The following FRYL variants were observed in gnomAD, a reference collection of about 807,000 sequenced individuals.
The protein encoded by FRYL is FRY like transcription coactivator, also known as protein furry homolog-like.
In FRYL, 150 loss-of-function variants were observed where a neutral mutation model predicts 351.2. The observed-to-expected ratio is 0.43, with a 90% confidence interval of 0.37 to 0.49. The LOEUF is 0.49. Among genes scored for constraint, FRYL ranks in the 20% least tolerant of loss-of-function variants. FRYL has a pLI of 0.00. For missense variants in FRYL, 3,036 were observed against 3,619.3 expected (o/e 0.84, Z 4.13); for synonymous variants, 1,153 against 1,257.1 (o/e 0.92, Z 1.75).
At chr4:48,522,814 C>T (rs1725200180) in intron 54 of FRYL, 87 bp downstream of exon 54, 1 of 956,000 alleles carries the variant, frequency 1.0e-6, no homozygotes, top group African/African-American at 1.6e-5. Context: ...GTGCATTTCA[C>T]CCATGCACAA....
At chr4:48,541,427 G>C (rs947659610) in intron 45 of FRYL, among the ~76,000 whole-genome samples, 1 of 152,106 alleles carries the variant, frequency 6.6e-6, no homozygotes, top group African/African-American at 2.4e-5. Context: ...TGCTTTTTAT[G>C]TTTGCCAGCT....
chr4:48,653,023 A>G (rs1416230142), intron 3 of FRYL, among the ~76,000 whole-genome samples: 5 of 152,196 alleles, frequency 3.3e-5, no homozygotes, highest in Non-Finnish European at 5.9e-5. Flanking sequence ...TAAACAGACT[A>G]TGGTAAGTGT....
rs766346765 is a variant in FRYL at position 48,567,271 on chromosome 4, G to A, written c.3146C>T (p.Ala1049Val). 5 of 1,609,540 alleles carry A rather than the reference G, an allele frequency of 3.1e-6. No homozygotes were observed. Among genetic ancestry groups the A allele is most frequent in the South Asian group, 2.2e-5 (2 of 89,664 alleles). The change falls in exon 28 of 64, where the codon GCG becomes GTG. Residue 1049 changes from alanine to valine, a missense_variant. By Grantham distance (64) the Ala-to-Val change is moderately conservative (BLOSUM62 0). Coordinates refer to ENST00000358350, the MANE Select transcript of FRYL (RefSeq NM_015030.2). The surrounding 1 kb of genome is among the most constrained non-coding windows in gnomAD (Gnocchi z 4.2). ...DIRCHFSALVANIIQNVPVHQ... is the reference protein window; with the variant it reads ...DIRCHFSALVVNIIQNVPVHQ... ...ACCTGGAACATTCTGAATAATATTC[G>A]CCACTAAGGCACTAAAATGGCATCG... is the stretch of plus-strand genomic sequence containing the variant.
chr4:48,563,113 G>T, intron 31 of FRYL, 125 bp from the exon 32 acceptor site: 1 of 597,468 alleles, frequency 1.7e-6, no homozygotes. Context: ...GAGGAGACTT[G>T]GTTTTTTCAA....
rs193248626 is a variant in FRYL at position 48,562,705 on chromosome 4, T to C, written c.3696+184A>G. Reference sequence around the variant, plus strand: ...ACTTAGGAATAGTCTGCATTACTTATAAATTTAAATATCTATATTATCTTT... The same window carrying C: ...ACTTAGGAATAGTCTGCATTACTTACAAATTTAAATATCTATATTATCTTT... On this transcript the variant is annotated intron_variant, in intron 32 of 63. Coordinates refer to ENST00000358350, the MANE Select transcript of FRYL (RefSeq NM_015030.2). 3.7e-3 allele frequency among the ~76,000 whole-genome samples: 568 copies of C among 152,326 alleles called. 3 individuals carry two copies. Among genetic ancestry groups the C allele is most frequent in the African/African-American group, 0.013 (538 of 41,586 alleles).
In FRYL at chr4:48,500,045, T is replaced by G. The variant is rs1432418357; in HGVS notation, c.8768A>C (p.Gln2923Pro). The change falls in exon 63 of 64, where the codon CAA (glutamine) becomes CCA (proline). Residue 2923 changes from glutamine to proline, a missense_variant. By Grantham distance (76) the Gln-to-Pro change is moderately conservative. Around this residue, in one of 7 missense-constraint regions of FRYL, gnomAD observed 1,987 missense variants for 2,311.7 expected, o/e 0.86. Coordinates refer to ENST00000358350, the MANE Select transcript of FRYL (RefSeq NM_015030.2). Reference sequence around the variant, plus strand: ...CACGTTTTACCTGAAAGCTTTGACTTGTGCTACAGCTGATATAAATTCTTT... The same window carrying G: ...CACGTTTTACCTGAAAGCTTTGACTGGTGCTACAGCTGATATAAATTCTTT... ...KNKEFISAVA[Q>P]VKAFRSLWPS... 6.3e-7 allele frequency: 1 copy of G among 1,586,570 alleles called. No homozygotes were observed. The highest frequency in any genetic ancestry group is 1.9e-5 in the Admixed American group (1 of 51,284).
At chr4:48,717,621 G>A (rs559030529) in intron 1 of FRYL, among the ~76,000 whole-genome samples, 2 of 151,670 alleles carry the variant, frequency 1.3e-5, no homozygotes, top group South Asian at 4.2e-4. Context: ...GCTCACTGCA[G>A]CCTCAAACTC....
intron 11 of FRYL, among the ~76,000 whole-genome samples, chr4:48,604,700 T>C (rs1320955987): frequency 6.6e-6 from 1 of 152,184 alleles, no homozygotes; most frequent in Non-Finnish European, 1.5e-5. Context: ...TCCGTAAATA[T>C]GAGACAATAT....
chr4:48,626,993 T>C lies in FRYL; in HGVS notation c.121-3814A>G, dbSNP rs188188607. On this transcript the variant is annotated intron_variant, in intron 4 of 63. Coordinates refer to ENST00000358350, the MANE Select transcript of FRYL (RefSeq NM_015030.2). ...CTGGGGTTAAGCATATTTGGTCAAT[T>C]ATCTTGTAGGACAAGACATTTATCT... Among the ~76,000 whole-genome samples the C allele has an allele frequency of 5.9e-5, 9 of 152,230 alleles. No homozygotes were observed. In the East Asian group the frequency reaches 1.7e-3, roughly 29 times the overall value.
At chr4:48,657,515 C>A (rs1284266239) in intron 3 of FRYL, among the ~76,000 whole-genome samples, 1 of 152,118 alleles carries the variant, frequency 6.6e-6, no homozygotes, top group East Asian at 1.9e-4. Context: ...ACGGCCACCG[C>A]CTAGAGCTTA....
intron 11 of FRYL, among the ~76,000 whole-genome samples, chr4:48,603,666 C>A (rs577859696): frequency 6.6e-6 from 1 of 152,154 alleles, no homozygotes; most frequent in South Asian, 2.1e-4. Flanking sequence ...CAAAAGGGGC[C>A]CCTATGGAAA....
intron 3 of FRYL, among the ~76,000 whole-genome samples, chr4:48,666,707 T>C (rs1761769501): frequency 6.6e-6 from 1 of 152,078 alleles, no homozygotes; most frequent in Admixed American, 6.6e-5. Context: ...TAAGAAATAA[T>C]AAAGAGAAAT....
intron 45 of FRYL, among the ~76,000 whole-genome samples, chr4:48,541,750 G>T (rs1356011327): frequency 6.6e-6 from 1 of 152,146 alleles, no homozygotes; most frequent in Non-Finnish European, 1.5e-5. Flanking sequence ...AGACAGCTGG[G>T]GGAGAAACAG....
chr4:48,576,448 G>A (rs565329396), intron 23 of FRYL, among the ~76,000 whole-genome samples: 1 of 152,088 alleles, frequency 6.6e-6, no homozygotes, highest in East Asian at 1.9e-4. Context: ...GGGACTACAG[G>A]TGTGTGCCAT....
At chr4:48,575,724 AGT>A (rs2149130957) in intron 24 of FRYL, among the ~76,000 whole-genome samples, 1 of 152,354 alleles carries the variant, frequency 6.6e-6, no homozygotes, top group Non-Finnish European at 1.5e-5. Flanking sequence ...GGTTCTGAGA[AGT>A]GTGAGAACTA....
At chr4:48,574,402 C>T (rs1578184025) in intron 25 of FRYL, 1 of 152,042 alleles carries the variant, frequency 6.6e-6, no homozygotes, top group South Asian at 2.1e-4. Flanking sequence ...CTATCCCATA[C>T]CTATAGATAT....
intron 1 of FRYL, among the ~76,000 whole-genome samples, chr4:48,739,896 G>A (rs1052732455): frequency 1.1e-4 from 17 of 152,138 alleles, no homozygotes; most frequent in African/African-American, 3.9e-4. Context: ...AACAGAACTG[G>A]TGGTTTTGTA....
At chr4:48,658,757 TAAATA>T (rs1273141408) in intron 3 of FRYL, among the ~76,000 whole-genome samples, 1 of 150,504 alleles carries the variant, frequency 6.6e-6, no homozygotes, top group Admixed American at 6.6e-5. Context: ...CATAAATAAA[TAAATA>T]AATAAATAAA....
At chr4:48,700,397 G>A (rs1179283503) in intron 2 of FRYL, among the ~76,000 whole-genome samples, 4 of 152,146 alleles carry the variant, frequency 2.6e-5, no homozygotes, top group South Asian at 2.1e-4. Context: ...TAAATCCTAC[G>A]TGAAATGCAG....
Sources: allele counts gnomAD v4.1 joint callset (sites outside exome capture counted in the v4.1 genomes callset), GRCh38; gene constraint gnomAD v4.1.1; regional missense constraint gnomAD v4.1.1; non-coding constraint Gnocchi (gnomAD v3.1); transcripts MANE v1.5; gene names NCBI Gene and HGNC (gene_info 2026-07-23, HGNC 2026-07-21).